The following ZNF536 variants were observed in gnomAD, a reference collection of about 807,000 sequenced individuals.
ZNF536 encodes zinc finger protein 536.
ZNF536 carries 13 observed loss-of-function variants against 84.5 expected under a neutral mutation model. That is an observed-to-expected ratio of 0.15 (90% confidence interval 0.10 to 0.24). ZNF536 has a LOEUF of 0.24. ZNF536 is among the 10% of genes least tolerant of loss of function. The pLI, the probability that ZNF536 is intolerant of heterozygous loss-of-function variation, is 1.00. For synonymous variants in ZNF536, 811 were observed against 742.5 expected (o/e 1.09, Z -1.50); for missense variants, 1,536 against 1,747.5 (o/e 0.88, Z 2.16).
intron 2 of ZNF536, among the ~76,000 whole-genome samples, chr19:30,329,690 G>T (rs1220519015): frequency 6.6e-6 from 1 of 152,140 alleles, no homozygotes; most frequent in Non-Finnish European, 1.5e-5. Context: ...CTCCCTCTCT[G>T]CACCCAGCTG....
chr19:30,685,625 C>T (rs1454974382), intron 1 of ZNF536, among the ~76,000 whole-genome samples: 2 of 152,214 alleles, frequency 1.3e-5, no homozygotes, highest in East Asian at 3.9e-4. Context: ...CCATAAAAAT[C>T]ATGGCTTCTC....
chr19:30,639,325 G>A (rs2049181230), intron 1 of ZNF536, among the ~76,000 whole-genome samples: 1 of 152,136 alleles, frequency 6.6e-6, no homozygotes, highest in South Asian at 2.1e-4. Context: ...TATTTAACCT[G>A]GTGTACCCGA....
At chr19:30,668,276 G>A (rs918027574) in intron 1 of ZNF536, among the ~76,000 whole-genome samples, 4 of 152,144 alleles carry the variant, frequency 2.6e-5, no homozygotes, top group African/African-American at 9.7e-5. Flanking sequence ...CTGACCTTGA[G>A]TTTGAGGGGA....
chr19:30,438,296 A>C (rs2051848627), intron 1 of ZNF536, among the ~76,000 whole-genome samples: 1 of 151,922 alleles, frequency 6.6e-6, no homozygotes, highest in Admixed American at 6.6e-5. Flanking sequence ...CTCCATCTTT[A>C]TGTCCGTGTA....
At chr19:30,495,005 T>C (rs2054663356) in intron 2 of ZNF536, among the ~76,000 whole-genome samples, 1 of 148,878 alleles carries the variant, frequency 6.7e-6, no homozygotes, top group Non-Finnish European at 1.5e-5. Context: ...GCACATCAGA[T>C]TGGTCTTTGT....
At chr19:30,272,394 G>A (rs147455541) in intron 1 of ZNF536, among the ~76,000 whole-genome samples, 210 of 152,194 alleles carry the variant, frequency 1.4e-3, no homozygotes, top group Admixed American at 5.0e-3. Flanking sequence ...TGGTACTTTT[G>A]TTATGATTGT....
chr19:30,658,281 C>T (rs1390854765), intron 1 of ZNF536, among the ~76,000 whole-genome samples: 3 of 152,122 alleles, frequency 2.0e-5, no homozygotes, highest in Non-Finnish European at 2.9e-5. Flanking sequence ...TTTGGCCTCC[C>T]AAAGTGCTGG....
At chr19:30,641,457 T>A (rs189177165) in intron 1 of ZNF536, among the ~76,000 whole-genome samples, 2 of 152,330 alleles carry the variant, frequency 1.3e-5, no homozygotes, top group East Asian at 3.9e-4. Flanking sequence ...AGTATGAAAT[T>A]TTTTCTCATG....
chr19:30,409,977 T>A (rs78898245), intron 1 of ZNF536, among the ~76,000 whole-genome samples: 1 of 152,184 alleles, frequency 6.6e-6, no homozygotes, highest in South Asian at 2.1e-4. Context: ...TTTTTTTTTT[T>A]AACTGTAGCA....
intron 1 of ZNF536, among the ~76,000 whole-genome samples, chr19:30,672,668 C>G (rs1311613134): frequency 6.6e-6 from 1 of 152,216 alleles, no homozygotes; most frequent in Non-Finnish European, 1.5e-5. Context: ...ACATCAAATT[C>G]TCTGCTACCA....
intron 2 of ZNF536, among the ~76,000 whole-genome samples, chr19:30,292,618 C>T (rs184427976): frequency 2.6e-4 from 40 of 152,202 alleles, no homozygotes; most frequent in Middle Eastern, 3.4e-3. Flanking sequence ...ACTGCTAGGC[C>T]TCTAGGGGAC....
At chr19:30,642,211 C>T (rs558787561) in intron 1 of ZNF536, among the ~76,000 whole-genome samples, 62 of 152,284 alleles carry the variant, frequency 4.1e-4, no homozygotes, top group African/African-American at 1.5e-3. Context: ...CATTGCAAAT[C>T]GCCCTTTCCT....
intron 1 of ZNF536, among the ~76,000 whole-genome samples, chr19:30,635,070 G>GTA (rs774240383): frequency 0.012 from 1,761 of 150,568 alleles, 35 homozygotes; most frequent in African/African-American, 0.041. Flanking sequence ...AAAGCTGGGT[G>GTA]TGTGTGTGTG....
chr19:30,575,767 A>C (rs1346704443), intron 1 of ZNF536, among the ~76,000 whole-genome samples: 1 of 152,212 alleles, frequency 6.6e-6, no homozygotes, highest in African/African-American at 2.4e-5. Context: ...AGGCCTGTGC[A>C]GTGACACCCA....
intron 1 of ZNF536, among the ~76,000 whole-genome samples, chr19:30,435,173 A>C (rs1006052227): frequency 1.3e-5 from 2 of 150,010 alleles, no homozygotes; most frequent in Non-Finnish European, 1.5e-5. Flanking sequence ...GGTGATGCTG[A>C]TGATGCTGCT....
At chr19:30,470,717 G>A (rs1276349046) in intron 2 of ZNF536, among the ~76,000 whole-genome samples, 6 of 142,338 alleles carry the variant, frequency 4.2e-5, no homozygotes, top group African/African-American at 1.1e-4. Flanking sequence ...ATGGAGTCTC[G>A]CTCTATCGCC....
chr19:30,677,093 T>C (rs894472350), intron 1 of ZNF536, among the ~76,000 whole-genome samples: 2 of 152,244 alleles, frequency 1.3e-5, no homozygotes, highest in African/African-American at 4.8e-5. Context: ...AGCTTCTAGA[T>C]GTGGCTTCTT....
chr19:30,354,097 C>T (rs1186243559), intron 3 of ZNF536, among the ~76,000 whole-genome samples: 5 of 152,084 alleles, frequency 3.3e-5, no homozygotes, highest in Admixed American at 1.3e-4. Flanking sequence ...GGGTGGAGAC[C>T]GAGGGGGAGG....
chr19:30,445,762 G>A lies in ZNF536; in HGVS notation c.2170+30G>A. ...GTTAGCTGAGAAGCGGGGAGAAGCA[G>A]CTTGTACAGCAGCCCTGCTCAGGGC... is the stretch of plus-strand genomic sequence containing the variant. On this transcript the variant is annotated intron_variant, in intron 2 of 4. Coordinates refer to ENST00000355537, the MANE Select transcript of ZNF536 (RefSeq NM_014717.3). This position sits in a 1 kb window ranked among gnomAD's most constrained non-coding sequence, Gnocchi z 4.5. The A allele has an allele frequency of 6.5e-7, 1 of 1,528,060 alleles. No individual in the cohort carries two copies. Among genetic ancestry groups the A allele is most frequent in the Non-Finnish European group, 8.8e-7 (1 of 1,138,856 alleles). The allele number at this position is 1,528,060 out of a possible 1,614,324, so 94.7% of individuals were successfully genotyped here. A position where few individuals can be genotyped will look rare whatever the true frequency, so the allele number is the denominator to read the frequency against.
Sources: allele counts gnomAD v4.1 joint callset (sites outside exome capture counted in the v4.1 genomes callset), GRCh38; gene constraint gnomAD v4.1.1; non-coding constraint Gnocchi (gnomAD v3.1); transcripts MANE v1.5; gene names NCBI Gene and HGNC (gene_info 2026-07-23, HGNC 2026-07-21).